DMRT1: variants seen among roughly 807,000 people sequenced by gnomAD.
DMRT1 encodes the protein doublesex and mab-3 related transcription factor 1, also known as doublesex- and mab-3-related transcription factor 1.
In DMRT1, 7 loss-of-function variants were observed where a neutral mutation model predicts 32.3. That is an observed-to-expected ratio of 0.22 (90% CI 0.12 to 0.41). The LOEUF is 0.41. Among genes scored for constraint, DMRT1 ranks in the 10% least tolerant of loss-of-function variants. DMRT1 has a pLI of 1.00. For missense variants in DMRT1, 625 were observed against 500.5 expected (o/e 1.25, Z -2.37); for synonymous variants, 278 against 206.1 (o/e 1.35, Z -2.99).
intron 3 of DMRT1, among the ~76,000 whole-genome samples, chr9:902,873 G>C (rs1258811862): frequency 1.3e-5 from 2 of 152,106 alleles, no homozygotes; most frequent in African/African-American, 4.8e-5. Context: ...ACCCCAAGTA[G>C]GTTCTGCTGT....
At chr9:938,299 T>C (rs1457623738) in intron 4 of DMRT1, among the ~76,000 whole-genome samples, 8 of 152,198 alleles carry the variant, frequency 5.3e-5, no homozygotes, top group Non-Finnish European at 2.9e-5. Context: ...GGTTTTTCTA[T>C]TTATGCAAAA....
At chr9:909,618 A>C (rs746782330) in intron 3 of DMRT1, among the ~76,000 whole-genome samples, 3 of 152,210 alleles carry the variant, frequency 2.0e-5, no homozygotes, top group Non-Finnish European at 4.4e-5. Context: ...TACCTTTATA[A>C]AAAGGTTTCT....
intron 2 of DMRT1, among the ~76,000 whole-genome samples, chr9:865,067 C>T (rs1313814087): frequency 6.6e-6 from 1 of 152,182 alleles, no homozygotes; most frequent in Non-Finnish European, 1.5e-5. Context: ...TTACCTTCAG[C>T]TATCTCAGAG....
At chr9:861,046 CTTTCTTTT>C (rs1162628654) in intron 2 of DMRT1, among the ~76,000 whole-genome samples, 2 of 89,122 alleles carry the variant, frequency 2.2e-5, no homozygotes, top group African/African-American at 1.2e-4. Context: ...ATCTAATTTA[CTTTCTTTT>C]TTTTTTTTTT....
chr9:919,590 A>G (rs1186528407), intron 4 of DMRT1, among the ~76,000 whole-genome samples: 1 of 152,214 alleles, frequency 6.6e-6, no homozygotes, highest in Non-Finnish European at 1.5e-5. Flanking sequence ...TTTGTAAGCT[A>G]TTGGAAACAA....
At chr9:887,225 GT>G (rs1185191880) in intron 2 of DMRT1, among the ~76,000 whole-genome samples, 1 of 152,176 alleles carries the variant, frequency 6.6e-6, no homozygotes, top group African/African-American at 2.4e-5. Flanking sequence ...TAACTTAGTT[GT>G]TTGGAGGGAA....
chr9:893,216 A>G (rs1817220708), intron 2 of DMRT1, among the ~76,000 whole-genome samples: 1 of 152,212 alleles, frequency 6.6e-6, no homozygotes. Flanking sequence ...ATGACTTAGG[A>G]ATTCATTTAT....
intron 2 of DMRT1, among the ~76,000 whole-genome samples, chr9:889,267 T>C (rs1369220285): frequency 6.6e-6 from 1 of 152,242 alleles, no homozygotes; most frequent in Admixed American, 6.5e-5. Context: ...AATTTTAACA[T>C]ATAGAATTCG....
intron 2 of DMRT1, among the ~76,000 whole-genome samples, chr9:875,079 G>A (rs902441012): frequency 1.3e-5 from 2 of 151,990 alleles, no homozygotes; most frequent in African/African-American, 4.8e-5. Flanking sequence ...CAAAGTGCTG[G>A]GATTACAGGC....
chr9:947,300 T>C (rs1303839146), intron 4 of DMRT1, among the ~76,000 whole-genome samples: 1 of 152,198 alleles, frequency 6.6e-6, no homozygotes, highest in Non-Finnish European at 1.5e-5. Flanking sequence ...TTAGTGTTAG[T>C]GCATTTTACA....
At chr9:893,499 A>G (rs554093432) in intron 2 of DMRT1, among the ~76,000 whole-genome samples, 184 of 152,248 alleles carry the variant, frequency 1.2e-3, no homozygotes, top group African/African-American at 4.3e-3. Context: ...AAATTCACCT[A>G]AACTCTTGGC....
At chr9:938,654 T>C (rs1475668909) in intron 4 of DMRT1, among the ~76,000 whole-genome samples, 1 of 152,240 alleles carries the variant, frequency 6.6e-6, no homozygotes, top group African/African-American at 2.4e-5. Flanking sequence ...TTGTGGATTC[T>C]CTAGTATTTT....
At chr9:876,130 T>A (rs1564215821) in intron 2 of DMRT1, among the ~76,000 whole-genome samples, 1 of 152,168 alleles carries the variant, frequency 6.6e-6, no homozygotes, top group Non-Finnish European at 1.5e-5. Context: ...GGGTGACAGG[T>A]CTTCTTACCT....
intron 1 of DMRT1, chr9:842,947 C>T (rs1376259987): frequency 6.6e-6 from 1 of 152,246 alleles, no homozygotes; most frequent in Non-Finnish European, 1.5e-5. Flanking sequence ...TCGCTCCCGC[C>T]CTCCGAGGTG....
Position 921,305 on chromosome 9 carries a change from G to A in DMRT1, c.967+4398G>A, listed in dbSNP as rs965944152. ...GTTTTCATGATTCAGCTACACTGTC[G>A]TATAGATCAGTATTTCATTCGTTTT... On this transcript the variant is annotated intron_variant, in intron 4 of 4. Transcript: ENST00000382276. 5.9e-5 allele frequency among the ~76,000 whole-genome samples: 9 copies of A among 152,146 alleles called. No homozygotes were observed. In the South Asian group the frequency reaches 6.2e-4, roughly 11 times the overall value.
At chr9:959,906 T>C (rs1819717699) in intron 4 of DMRT1, among the ~76,000 whole-genome samples, 1 of 152,228 alleles carries the variant, frequency 6.6e-6, no homozygotes, top group Non-Finnish European at 1.5e-5. Flanking sequence ...GCAGTGTGTC[T>C]TGTGAAGGCT....
intron 4 of DMRT1, among the ~76,000 whole-genome samples, chr9:938,952 C>G (rs1366771051): frequency 1.3e-5 from 2 of 152,340 alleles, no homozygotes; most frequent in African/African-American, 4.8e-5. Flanking sequence ...CTAAGGTAAT[C>G]ATTAATCTAT....
At chr9:920,717 A>T (rs1275684305) in intron 4 of DMRT1, among the ~76,000 whole-genome samples, 1 of 152,170 alleles carries the variant, frequency 6.6e-6, no homozygotes, top group African/African-American at 2.4e-5. Flanking sequence ...TTGTATGCTG[A>T]TGAGGGCGAT....
intron 2 of DMRT1, among the ~76,000 whole-genome samples, chr9:870,709 CTT>C (rs58893896): frequency 5.0e-4 from 35 of 69,560 alleles, no homozygotes; most frequent in South Asian, 3.4e-3. Context: ...ATTTTCTTGA[CTT>C]TTTTTTTTTT....
Sources: allele counts gnomAD v4.1 joint callset (sites outside exome capture counted in the v4.1 genomes callset), GRCh38; gene constraint gnomAD v4.1.1; transcripts MANE v1.5; gene names NCBI Gene and HGNC (gene_info 2026-07-23, HGNC 2026-07-21).